MAGI3: variants seen among roughly 807,000 people sequenced by gnomAD.
MAGI3 encodes the protein membrane-associated guanylate kinase, WW and PDZ domain-containing protein 3.
In MAGI3, 43 loss-of-function variants were observed where a neutral mutation model predicts 121.8. The ratio of observed to expected loss-of-function variants is 0.35; its 90% CI spans 0.28 to 0.46. The LOEUF (loss-of-function observed/expected upper bound fraction) is 0.46. Among genes scored for constraint, MAGI3 ranks in the 20% least tolerant of loss-of-function variants. MAGI3 has a pLI of 1.00. For synonymous variants in MAGI3, 553 were observed against 639.3 expected, an observed-to-expected ratio of 0.86 and a Z score of 2.04; for missense variants, 1,547 against 1,797.3, an observed-to-expected ratio of 0.86 and a Z score of 2.52.
At chr1:113,482,647 T>C (rs1419431557) in intron 1 of MAGI3, among the ~76,000 whole-genome samples, 1 of 4,066 alleles carries the variant, frequency 2.5e-4, no homozygotes, top group African/African-American at 6.4e-4. Flanking sequence ...TCAACCTACT[T>C]TTTTTTTTTT....
Position 113,673,481 on chromosome 1 carries a change from T to C in MAGI3, c.3189+16T>C. 6.2e-7 allele frequency: 1 copy of C among 1,610,744 alleles called. No individual in the cohort carries two copies. The highest frequency in any genetic ancestry group is 8.5e-7 in the Non-Finnish European group (1 of 1,179,112). On this transcript the variant is annotated intron_variant, in intron 19 of 20. Coordinates refer to ENST00000307546, the MANE Select transcript of MAGI3 (RefSeq NM_001142782.2). Reference sequence around the variant, plus strand: ...CAGAATTCATGTGAGTTGGTTTCTGTCTGTAACCTTAGGTTCAGGCTCTAG... The same window carrying C: ...CAGAATTCATGTGAGTTGGTTTCTGCCTGTAACCTTAGGTTCAGGCTCTAG...
intron 7 of MAGI3, among the ~76,000 whole-genome samples, chr1:113,619,052 C>G (rs114110614): frequency 6.6e-6 from 1 of 152,210 alleles, no homozygotes; most frequent in Non-Finnish European, 1.5e-5. Context: ...CTCCTAGCGG[C>G]TAGTCTCCCC....
At chr1:113,612,683 A>T (rs1339841529) in intron 6 of MAGI3, among the ~76,000 whole-genome samples, 1 of 152,224 alleles carries the variant, frequency 6.6e-6, no homozygotes, top group Non-Finnish European at 1.5e-5. Flanking sequence ...AAAATTAATA[A>T]AGTAACCCAG....
chr1:113,581,062 T>A (rs967332314), intron 3 of MAGI3: 1 of 152,428 alleles, frequency 6.6e-6, no homozygotes, highest in African/African-American at 2.4e-5. Context: ...AATATAAAAT[T>A]TGGGGAGAAA....
chr1:113,456,422 T>C (rs1361451803), intron 1 of MAGI3, among the ~76,000 whole-genome samples: 1 of 152,170 alleles, frequency 6.6e-6, no homozygotes, highest in Admixed American at 6.5e-5. Context: ...CCCATATACA[T>C]ATAGAAAGCT....
At chr1:113,458,853 A>C (rs924973068) in intron 1 of MAGI3, among the ~76,000 whole-genome samples, 3 of 152,156 alleles carry the variant, frequency 2.0e-5, no homozygotes, top group African/African-American at 7.2e-5. Flanking sequence ...GTGCCTGTTC[A>C]TTTTCTAAGT....
chr1:113,483,882 C>G (rs1476132631), intron 1 of MAGI3, among the ~76,000 whole-genome samples: 1 of 152,000 alleles, frequency 6.6e-6, no homozygotes, highest in Non-Finnish European at 1.5e-5. Flanking sequence ...TACTTTTTCT[C>G]TCTAATGTGA....
intron 19 of MAGI3, 28 bp downstream of exon 19, chr1:113,673,493 G>A (rs1647686559): frequency 6.2e-7 from 1 of 1,606,086 alleles, no homozygotes; most frequent in Non-Finnish European, 8.5e-7. Flanking sequence ...TGTAACCTTA[G>A]GTTCAGGCTC....
intron 1 of MAGI3, among the ~76,000 whole-genome samples, chr1:113,503,402 T>G (rs963013562): frequency 1.3e-5 from 2 of 151,334 alleles, no homozygotes; most frequent in African/African-American, 4.9e-5. Context: ...CTGTAAATAT[T>G]TTTCAATCTT....
At chr1:113,612,336 T>G (rs963874563) in intron 6 of MAGI3, among the ~76,000 whole-genome samples, 4 of 152,218 alleles carry the variant, frequency 2.6e-5, no homozygotes, top group African/African-American at 9.6e-5. Flanking sequence ...AGATTATGTT[T>G]ATCTTTATCT....
intron 1 of MAGI3, among the ~76,000 whole-genome samples, chr1:113,444,371 G>A (rs1470095486): frequency 2.0e-5 from 3 of 152,122 alleles, no homozygotes. Flanking sequence ...GATTCCAGGG[G>A]ATTTAAAGGG....
intron 15 of MAGI3, among the ~76,000 whole-genome samples, chr1:113,655,639 C>T (rs938754344): frequency 2.7e-4 from 41 of 152,034 alleles, no homozygotes; most frequent in Non-Finnish European, 5.1e-4. Flanking sequence ...TACTTCATCT[C>T]TTTAAGATAG....
rs776949646 is a variant in MAGI3 at position 113,646,586 on chromosome 1, C to A, written c.2099C>A (p.Pro700Gln). Residue 700 changes from proline (P) to glutamine (Q), a missense_variant, in exon 12 of 21, where the codon CCA becomes CAA. Pro to Gln is a moderately conservative substitution (Grantham distance 76). Coordinates refer to ENST00000307546, the MANE Select transcript of MAGI3 (RefSeq NM_001142782.2). Reference sequence around the variant, plus strand: ...CCGAGCATTATCAGGTCAGGATCCCCAAAATTGGATCCTTCTGAGGTCTAC... The same window carrying A: ...CCGAGCATTATCAGGTCAGGATCCCAAAAATTGGATCCTTCTGAGGTCTAC... ...FPPSIIRSGS[P>Q]KLDPSEVYLK... is the part of the protein sequence containing the mutation. The A allele has an allele frequency of 4.2e-5, 67 of 1,612,830 alleles. No homozygotes were observed.
intron 14 of MAGI3, among the ~76,000 whole-genome samples, chr1:113,652,693 C>T (rs1195941216): frequency 6.6e-6 from 1 of 151,688 alleles, no homozygotes; most frequent in African/African-American, 2.4e-5. Context: ...TTCTTAAAAC[C>T]ATGTGAATTT....
intron 1 of MAGI3, among the ~76,000 whole-genome samples, chr1:113,395,892 AT>A (rs1651086316): frequency 6.6e-6 from 1 of 152,046 alleles, no homozygotes; most frequent in South Asian, 2.1e-4. Context: ...TTTTTAGATG[AT>A]TTTAAATTTT....
intron 1 of MAGI3, among the ~76,000 whole-genome samples, chr1:113,479,117 T>A (rs1205245378): frequency 6.6e-6 from 1 of 152,190 alleles, no homozygotes; most frequent in Non-Finnish European, 1.5e-5. Context: ...AGCACAGTAT[T>A]TGGGCGGGAG....
chr1:113,493,570 CTA>C (rs1656767791), intron 1 of MAGI3, among the ~76,000 whole-genome samples: 1 of 152,138 alleles, frequency 6.6e-6, no homozygotes, highest in Non-Finnish European at 1.5e-5. Context: ...GTGGAGGAAA[CTA>C]TCAACAGAGT....
At chr1:113,655,834 G>A (rs1653437326) in intron 15 of MAGI3, among the ~76,000 whole-genome samples, 1 of 152,214 alleles carries the variant, frequency 6.6e-6, no homozygotes, top group Non-Finnish European at 1.5e-5. Context: ...GACAGGGTAT[G>A]TGAAGCCCTT....
intron 1 of MAGI3, among the ~76,000 whole-genome samples, chr1:113,526,926 A>G (rs1190056489): frequency 6.6e-6 from 1 of 152,198 alleles, no homozygotes; most frequent in Non-Finnish European, 1.5e-5. Context: ...GTCACTTAGT[A>G]GCTTTGTAAA....
Sources: allele counts gnomAD v4.1 joint callset (sites outside exome capture counted in the v4.1 genomes callset), GRCh38; gene constraint gnomAD v4.1.1; transcripts MANE v1.5; gene names NCBI Gene and HGNC (gene_info 2026-07-23, HGNC 2026-07-21).